The following PLEKHM3 variants were observed in gnomAD, a reference collection of about 807,000 sequenced individuals.
PLEKHM3 encodes pleckstrin homology domain containing M3, also known as pleckstrin homology domain-containing family M member 3.
PLEKHM3 carries 45 observed loss-of-function variants against 81.8 expected under a neutral mutation model. The observed-to-expected ratio is 0.55, with a 90% confidence interval of 0.43 to 0.71. PLEKHM3 has a LOEUF of 0.71. Among genes scored for constraint, PLEKHM3 ranks in the 30% least tolerant of loss-of-function variants. The pLI is 0.00. For synonymous variants in PLEKHM3, 352 were observed against 356.4 expected, an observed-to-expected ratio of 0.99 and a Z score of 0.14; for missense variants, 788 against 924.3, an observed-to-expected ratio of 0.85 and a Z score of 1.91.
In PLEKHM3 at chr2:207,903,544, G is replaced by A. The variant is rs910486734; in HGVS notation, c.1950+4970C>T. On this transcript the variant is annotated intron_variant, in intron 6 of 7. Coordinates refer to ENST00000427836, the MANE Select transcript of PLEKHM3 (RefSeq NM_001080475.3). ...ATATACATTTTAGGTTTTGTCACAAGAGCACAGGTAGCCAAAATTTAAAAG... is the reference window on the plus strand; with the variant it reads ...ATATACATTTTAGGTTTTGTCACAAAAGCACAGGTAGCCAAAATTTAAAAG... Among the ~76,000 whole-genome samples the A allele has an allele frequency of 3.3e-5, 5 of 152,292 alleles. 1 individual carries two copies. The highest frequency in any genetic ancestry group is 1.2e-4 in the African/African-American group (5 of 41,560).
At chr2:207,889,173 C>T (rs966803501) in intron 6 of PLEKHM3, among the ~76,000 whole-genome samples, 1 of 152,144 alleles carries the variant, frequency 6.6e-6, no homozygotes, top group Non-Finnish European at 1.5e-5. Context: ...TCAGGAGGAG[C>T]TTGCAGTATG....
intron 5 of PLEKHM3, among the ~76,000 whole-genome samples, chr2:207,916,911 T>C (rs1344904269): frequency 6.6e-6 from 1 of 152,244 alleles, no homozygotes; most frequent in African/African-American, 2.4e-5. Context: ...AGAATTCCTT[T>C]TGAAACTTTT....
At chr2:207,948,184 A>G (rs563102491) in intron 3 of PLEKHM3, among the ~76,000 whole-genome samples, 25 of 152,156 alleles carry the variant, frequency 1.6e-4, no homozygotes, top group Non-Finnish European at 2.6e-4. Flanking sequence ...CCTGATTGAC[A>G]AAGGACATCT....
At chr2:207,882,612 CAAAA>C (rs375414006) in intron 6 of PLEKHM3, among the ~76,000 whole-genome samples, 2 of 85,136 alleles carry the variant, frequency 2.3e-5, no homozygotes, top group Non-Finnish European at 4.3e-5. Flanking sequence ...AACTCCATCT[CAAAA>C]AAAAAAAAAA....
chr2:207,888,276 CT>C (rs1687944412), intron 6 of PLEKHM3, among the ~76,000 whole-genome samples: 1 of 152,112 alleles, frequency 6.6e-6, no homozygotes, highest in African/African-American at 2.4e-5. Flanking sequence ...AGGACCTCAG[CT>C]TTGCTATTGA....
chr2:207,989,102 C>G (rs190003786), intron 2 of PLEKHM3, among the ~76,000 whole-genome samples: 72 of 152,314 alleles, frequency 4.7e-4, no homozygotes, highest in South Asian at 2.7e-3. Flanking sequence ...AGAACAGGAA[C>G]CTTGATATCT....
chr2:207,851,921 C>T (rs192872407), intron 7 of PLEKHM3, among the ~76,000 whole-genome samples: 15 of 152,132 alleles, frequency 9.9e-5, no homozygotes, highest in Admixed American at 8.5e-4. Context: ...GAACCTGACC[C>T]GCCAAGGGAT....
chr2:207,940,850 T>C (rs1388697424), intron 4 of PLEKHM3, among the ~76,000 whole-genome samples: 1 of 152,176 alleles, frequency 6.6e-6, no homozygotes, highest in African/African-American at 2.4e-5. Context: ...GGAGCACAGG[T>C]GGAAAGATGG....
At chr2:207,897,090 G>T (rs1220848278) in intron 6 of PLEKHM3, among the ~76,000 whole-genome samples, 1 of 152,190 alleles carries the variant, frequency 6.6e-6, no homozygotes. Context: ...ATTCCCCTAT[G>T]GAGCCACTGG....
intron 1 of PLEKHM3, among the ~76,000 whole-genome samples, chr2:208,008,278 T>C (rs559578577): frequency 7.9e-5 from 12 of 151,648 alleles, no homozygotes; most frequent in African/African-American, 2.9e-4. Context: ...ATAATTTTTT[T>C]CCAGTTCTAA....
intron 7 of PLEKHM3, among the ~76,000 whole-genome samples, chr2:207,838,117 GATATA>G (rs1014781284): frequency 3.0e-4 from 46 of 152,176 alleles, no homozygotes; most frequent in African/African-American, 9.4e-4. Context: ...GAAAATAATA[GATATA>G]ATATAATATA....
At chr2:208,012,595 G>A (rs1692739671) in intron 1 of PLEKHM3, among the ~76,000 whole-genome samples, 1 of 152,164 alleles carries the variant, frequency 6.6e-6, no homozygotes, top group African/African-American at 2.4e-5. Flanking sequence ...ACTAAGTATT[G>A]AGTTTGTTCA....
chr2:207,905,117 G>C (rs1688559803), intron 6 of PLEKHM3, among the ~76,000 whole-genome samples: 1 of 152,164 alleles, frequency 6.6e-6, no homozygotes, highest in African/African-American at 2.4e-5. Context: ...ACAGGAACCT[G>C]TGCATTTAAG....
At chr2:207,864,039 T>C (rs1478155706) in intron 6 of PLEKHM3, among the ~76,000 whole-genome samples, 1 of 152,086 alleles carries the variant, frequency 6.6e-6, no homozygotes, top group African/African-American at 2.4e-5. Context: ...AAATTGTCAC[T>C]TTGTATATAG....
intron 6 of PLEKHM3, among the ~76,000 whole-genome samples, chr2:207,884,934 G>C (rs1220800876): frequency 6.6e-6 from 1 of 152,146 alleles, no homozygotes; most frequent in East Asian, 1.9e-4. Flanking sequence ...ACGGGGCCTA[G>C]AGTAAGATCA....
intron 6 of PLEKHM3, among the ~76,000 whole-genome samples, chr2:207,862,206 AATGCAGACACAAATAC>A (rs1271685667): frequency 1.3e-5 from 2 of 152,262 alleles, no homozygotes; most frequent in Non-Finnish European, 2.9e-5. Flanking sequence ...CTCTCTAATT[AATGCAGACACAAATAC>A]ATGCTGGTTT....
chr2:207,941,279 C>T (rs911197076), intron 4 of PLEKHM3, among the ~76,000 whole-genome samples: 1 of 152,150 alleles, frequency 6.6e-6, no homozygotes, highest in Non-Finnish European at 1.5e-5. Flanking sequence ...CAGACATACA[C>T]ACATAGACCA....
chr2:207,989,966 C>A (rs1047276628), intron 2 of PLEKHM3, among the ~76,000 whole-genome samples: 2 of 152,182 alleles, frequency 1.3e-5, no homozygotes, highest in Non-Finnish European at 1.5e-5. Context: ...AGAATTAGTG[C>A]TCTTAGGACA....
chr2:207,938,035 T>C (rs1359695146), intron 4 of PLEKHM3, among the ~76,000 whole-genome samples: 4 of 152,194 alleles, frequency 2.6e-5, no homozygotes, highest in Non-Finnish European at 4.4e-5. Context: ...TCTCAAGATG[T>C]AGAAATAGGA....
Sources: allele counts gnomAD v4.1 joint callset (sites outside exome capture counted in the v4.1 genomes callset), GRCh38; gene constraint gnomAD v4.1.1; transcripts MANE v1.5; gene names NCBI Gene and HGNC (gene_info 2026-07-23, HGNC 2026-07-21).